The following GRIP1 variants were observed in gnomAD, a reference collection of about 807,000 sequenced individuals.
The protein encoded by GRIP1 is glutamate receptor interacting protein 1.
Under a neutral mutation model 129.9 loss-of-function variants are expected in GRIP1, and 45 were observed. The ratio of observed to expected loss-of-function variants is 0.35; its 90% CI spans 0.27 to 0.44. The LOEUF is 0.44. GRIP1 is among the 20% of genes least tolerant of loss of function. The pLI, the probability that GRIP1 is intolerant of heterozygous loss-of-function variation, is 1.00. For missense variants in GRIP1, 1,196 were observed against 1,396.8 expected, an observed-to-expected ratio of 0.86 and a Z score of 2.29; for synonymous variants, 530 against 520.8, an observed-to-expected ratio of 1.02 and a Z score of -0.24.
intron 19 of GRIP1, among the ~76,000 whole-genome samples, chr12:66,383,815 C>T (rs2056233106): frequency 6.6e-6 from 1 of 152,180 alleles, no homozygotes; most frequent in Non-Finnish European, 1.5e-5. Flanking sequence ...TACTTCTTAG[C>T]TTCTCTCAAA....
At chr12:67,012,450 G>T (rs1043030139) in intron 1 of GRIP1, among the ~76,000 whole-genome samples, 1 of 152,082 alleles carries the variant, frequency 6.6e-6, no homozygotes, top group Admixed American at 6.6e-5. Context: ...TTGTTAGGAG[G>T]TTGAGCCAGA....
At chr12:66,574,387 AGAG>A (rs2063069012) in intron 2 of GRIP1, among the ~76,000 whole-genome samples, 1 of 152,266 alleles carries the variant, frequency 6.6e-6, no homozygotes, top group African/African-American at 2.4e-5. Flanking sequence ...CTCCCATCTC[AGAG>A]GAAGCCACTG....
intron 1 of GRIP1, among the ~76,000 whole-genome samples, chr12:66,846,438 A>AT (rs2039816823): frequency 6.6e-6 from 1 of 152,104 alleles, no homozygotes; most frequent in South Asian, 2.1e-4. Context: ...AATTCTGTTG[A>AT]TTTTATCTCC....
At chr12:66,605,691 A>C (rs1328159130) in intron 1 of GRIP1, among the ~76,000 whole-genome samples, 1 of 152,210 alleles carries the variant, frequency 6.6e-6, no homozygotes, top group African/African-American at 2.4e-5. Context: ...AACCTGGTTC[A>C]GTGGCTCACT....
At chr12:66,988,314 A>T (rs550918607) in intron 1 of GRIP1, among the ~76,000 whole-genome samples, 1 of 152,184 alleles carries the variant, frequency 6.6e-6, no homozygotes, top group Non-Finnish European at 1.5e-5. Context: ...ACAGATAAAC[A>T]TGCAAATATT....
intron 1 of GRIP1, among the ~76,000 whole-genome samples, chr12:66,725,661 T>C (rs937651462): frequency 1.1e-4 from 17 of 152,120 alleles, no homozygotes; most frequent in Admixed American, 9.8e-4. Context: ...TGTTCCAGCG[T>C]TTCTCAAACT....
At chr12:66,717,715 T>G (rs146375424) in intron 1 of GRIP1, among the ~76,000 whole-genome samples, 21 of 152,176 alleles carry the variant, frequency 1.4e-4, no homozygotes, top group Non-Finnish European at 3.1e-4. Flanking sequence ...AGTCATTGTG[T>G]TGGTCTTTTC....
At chr12:66,829,584 C>T (rs2039480517) in intron 1 of GRIP1, among the ~76,000 whole-genome samples, 1 of 152,204 alleles carries the variant, frequency 6.6e-6, no homozygotes, top group African/African-American at 2.4e-5. Context: ...TCTCTCCCTC[C>T]ACTACCCACT....
intron 11 of GRIP1, among the ~76,000 whole-genome samples, chr12:66,450,273 C>T (rs1184986878): frequency 1.0e-4 from 13 of 127,902 alleles, no homozygotes; most frequent in Non-Finnish European, 1.9e-4. Flanking sequence ...CACTGCACTC[C>T]AGCCTGGGTG....
At chr12:66,963,706 C>A (rs968520536) in intron 1 of GRIP1, among the ~76,000 whole-genome samples, 3 of 151,982 alleles carry the variant, frequency 2.0e-5, no homozygotes, top group Non-Finnish European at 4.4e-5. Flanking sequence ...GCGTCTACAC[C>A]TTCTACTTGA....
chr12:66,992,415 T>A (rs1312416390), intron 1 of GRIP1, among the ~76,000 whole-genome samples: 1 of 152,176 alleles, frequency 6.6e-6, no homozygotes, highest in Non-Finnish European at 1.5e-5. Flanking sequence ...AATATCAGTG[T>A]GTTTGGAACC....
intron 1 of GRIP1, among the ~76,000 whole-genome samples, chr12:67,051,040 C>T (rs987448985): frequency 7.2e-5 from 11 of 152,024 alleles, no homozygotes; most frequent in Admixed American, 2.6e-4. Context: ...AAAAGAACAA[C>T]GGAGGAGAGA....
At chr12:66,915,882 C>A (rs927965861) in intron 1 of GRIP1, among the ~76,000 whole-genome samples, 2 of 152,192 alleles carry the variant, frequency 1.3e-5, no homozygotes, top group Non-Finnish European at 2.9e-5. Context: ...TAACACTCAG[C>A]CAAAATTGGA....
At chr12:67,019,507 A>G (rs2042835263) in intron 1 of GRIP1, among the ~76,000 whole-genome samples, 1 of 152,198 alleles carries the variant, frequency 6.6e-6, no homozygotes, top group Non-Finnish European at 1.5e-5. Context: ...AAGTCACTCA[A>G]AATAAGAGTA....
At chr12:66,963,044 C>T (rs1566096752) in intron 1 of GRIP1, among the ~76,000 whole-genome samples, 1 of 152,132 alleles carries the variant, frequency 6.6e-6, no homozygotes, top group Non-Finnish European at 1.5e-5. Context: ...GGCACAGTGG[C>T]TCACACATGT....
chr12:66,784,591 C>T (rs919895347), intron 1 of GRIP1, among the ~76,000 whole-genome samples: 6 of 152,124 alleles, frequency 3.9e-5, no homozygotes, highest in Non-Finnish European at 8.8e-5. Flanking sequence ...CAGTTAGCAC[C>T]TAATCTATTT....
chr12:66,659,866 C>T (rs2033391215), intron 1 of GRIP1, among the ~76,000 whole-genome samples: 1 of 152,106 alleles, frequency 6.6e-6, no homozygotes, highest in Non-Finnish European at 1.5e-5. Flanking sequence ...GGAGTTCTAC[C>T]TTGCTTTTAG....
At chr12:66,436,743 G>A (rs1220588045) in intron 13 of GRIP1, among the ~76,000 whole-genome samples, 1 of 152,136 alleles carries the variant, frequency 6.6e-6, no homozygotes, top group Non-Finnish European at 1.5e-5. Context: ...AGCACTTTGG[G>A]AGGCTGAGGC....
At chr12:66,827,213 C>T (rs1295069835) in intron 1 of GRIP1, among the ~76,000 whole-genome samples, 1 of 152,048 alleles carries the variant, frequency 6.6e-6, no homozygotes, top group African/African-American at 2.4e-5. Context: ...CATCGAGGGG[C>T]CACCTGGGCT....
Sources: allele counts gnomAD v4.1 joint callset (sites outside exome capture counted in the v4.1 genomes callset), GRCh38; gene constraint gnomAD v4.1.1; transcripts MANE v1.5; gene names NCBI Gene and HGNC (gene_info 2026-07-23, HGNC 2026-07-21).